KCNA6: variants seen among roughly 807,000 people sequenced by gnomAD.
KCNA6 encodes the protein human brain potassium channel-2.
Under a neutral mutation model 29.5 loss-of-function variants are expected in KCNA6, and 17 were observed. That is an observed-to-expected ratio of 0.58 (90% CI 0.39 to 0.86). The LOEUF is 0.86. KCNA6 is among the 40% of genes least tolerant of loss of function. The probability of loss-of-function intolerance (pLI) is 0.00; values close to 1 mark genes in which losing one functional copy is unlikely to be tolerated. For missense variants in KCNA6, 450 were observed against 703.4 expected (o/e 0.64, Z 4.07); for synonymous variants, 296 against 304.7 (o/e 0.97, Z 0.30).
chr12:4,817,092 C>T (rs186272551), downstream of KCNA6, among the ~76,000 whole-genome samples: 91 of 152,328 alleles, frequency 6.0e-4, no homozygotes, highest in South Asian at 5.0e-3. Context: ...CATCCTGGCT[C>T]ACATGGGTTT....
chr12:4,822,331 G>A, the KCNA6 span, among the ~76,000 whole-genome samples: 3 of 152,214 alleles, frequency 2.0e-5, no homozygotes, highest in African/African-American at 7.2e-5. Flanking sequence ...GAGCCTTCCT[G>A]TGTGATTTCA....
chr12:4,831,255 C>T, the KCNA6 span, among the ~76,000 whole-genome samples: 846 of 152,278 alleles, frequency 5.6e-3, 6 homozygotes, highest in Non-Finnish European at 6.9e-3. Flanking sequence ...GCATGTGGCC[C>T]GGAGCGGCTG....
At chr12:4,837,241 A>AT in the KCNA6 span, among the ~76,000 whole-genome samples, 1 of 152,362 alleles carries the variant, frequency 6.6e-6, no homozygotes, top group African/African-American at 2.4e-5. Flanking sequence ...GCACACCCCA[A>AT]TAGGGCATAG....
chr12:4,833,818 T>C, the KCNA6 span, among the ~76,000 whole-genome samples: 1 of 152,240 alleles, frequency 6.6e-6, no homozygotes, highest in South Asian at 2.1e-4. Flanking sequence ...CTAACCAGAA[T>C]AGACCAACGG....
chr12:4,820,480 C>T, the KCNA6 span, among the ~76,000 whole-genome samples: 1 of 150,252 alleles, frequency 6.7e-6, no homozygotes, highest in Non-Finnish European at 1.5e-5. Context: ...GTGCCTGGGA[C>T]CCAAATTTTC....
At chr12:4,815,772 A>G (rs1946675643), downstream of KCNA6, among the ~76,000 whole-genome samples, 1 of 152,202 alleles carries the variant, frequency 6.6e-6, no homozygotes, top group African/African-American at 2.4e-5. Context: ...GGTGCAGGGA[A>G]CACTCCTTGA....
the KCNA6 span, among the ~76,000 whole-genome samples, chr12:4,822,016 GGA>G: frequency 3.3e-5 from 5 of 152,228 alleles, no homozygotes; most frequent in African/African-American, 1.2e-4. Flanking sequence ...TGCATTTTTA[GGA>G]GAGAGGGGGT....
chr12:4,824,263 G>A, the KCNA6 span, among the ~76,000 whole-genome samples: 3 of 152,184 alleles, frequency 2.0e-5, no homozygotes, highest in East Asian at 3.8e-4. Context: ...CATAAGCAAG[G>A]TCTCTTGTCC....
chr12:4,846,879 C>T, the KCNA6 span, among the ~76,000 whole-genome samples: 272 of 150,866 alleles, frequency 1.8e-3, no homozygotes, highest in Admixed American at 4.0e-3. Flanking sequence ...CCTGGGTTCA[C>T]GCCATTCTCC....
the KCNA6 span, among the ~76,000 whole-genome samples, chr12:4,833,931 A>ATT: frequency 0.21 from 29,955 of 141,578 alleles, 3,556 homozygotes; most frequent in African/African-American, 0.3. Context: ...TTTAAATTAA[A>ATT]TTTTTTTTTT....
chr12:4,846,138 T>G, the KCNA6 span, among the ~76,000 whole-genome samples: 2 of 152,200 alleles, frequency 1.3e-5, no homozygotes, highest in South Asian at 4.1e-4. Flanking sequence ...GAAACAAAGT[T>G]TGTGTACATC....
At chr12:4,827,926 T>C in the KCNA6 span, among the ~76,000 whole-genome samples, 1 of 152,242 alleles carries the variant, frequency 6.6e-6, no homozygotes, top group Non-Finnish European at 1.5e-5. Context: ...TGTTTGACCT[T>C]GAGTAAGTTG....
the KCNA6 span, among the ~76,000 whole-genome samples, chr12:4,824,825 AG>A: frequency 3.4e-4 from 52 of 152,354 alleles, no homozygotes; most frequent in Non-Finnish European, 6.6e-4. Context: ...CAACTTACAG[AG>A]GATGTATTGG....
At chr12:4,841,931 G>T in the KCNA6 span, among the ~76,000 whole-genome samples, 1 of 151,744 alleles carries the variant, frequency 6.6e-6, no homozygotes, top group African/African-American at 2.4e-5. Context: ...CAGCATATAT[G>T]TATTGAGGTC....
At chr12:4,846,958 T>A in the KCNA6 span, among the ~76,000 whole-genome samples, 27 of 150,936 alleles carry the variant, frequency 1.8e-4, no homozygotes, top group African/African-American at 5.3e-4. Flanking sequence ...TTTTTTTTTT[T>A]AATTTTTAGT....
downstream of KCNA6, among the ~76,000 whole-genome samples, chr12:4,817,270 C>T (rs990501822): frequency 3.9e-5 from 6 of 152,184 alleles, no homozygotes; most frequent in African/African-American, 1.4e-4. Flanking sequence ...TAGCTCATGG[C>T]AGAACAGGGT....
chr12:4,841,579 T>C, the KCNA6 span, among the ~76,000 whole-genome samples: 2 of 152,200 alleles, frequency 1.3e-5, no homozygotes, highest in Non-Finnish European at 2.9e-5. Flanking sequence ...GTGTGAAGTG[T>C]TGGAAATATA....
the KCNA6 span, among the ~76,000 whole-genome samples, chr12:4,826,215 G>T: frequency 2.6e-4 from 39 of 152,254 alleles, no homozygotes; most frequent in South Asian, 7.3e-3. Context: ...TTTTCTTCTA[G>T]GTGTTTTTTG....
chr12:4,846,381 T>C, the KCNA6 span, among the ~76,000 whole-genome samples: 2 of 152,218 alleles, frequency 1.3e-5, no homozygotes, highest in African/African-American at 4.8e-5. Context: ...TATAGACACA[T>C]ACCCATCTCA....
Sources: allele counts gnomAD v4.1 joint callset (sites outside exome capture counted in the v4.1 genomes callset), GRCh38; gene constraint gnomAD v4.1.1; transcripts MANE v1.5; gene names NCBI Gene and HGNC (gene_info 2026-07-23, HGNC 2026-07-21).